TJP2: variants seen among roughly 807,000 people sequenced by gnomAD.
TJP2 encodes the protein Friedreich ataxia region gene X104 (tight junction protein ZO-2).
A neutral mutation model predicts 133.1 loss-of-function variants in TJP2; 91 were observed. The ratio of observed to expected loss-of-function variants is 0.68; its 90% confidence interval spans 0.58 to 0.81. The LOEUF is 0.81. Among genes scored for constraint, TJP2 ranks in the 40% least tolerant of loss-of-function variants. The pLI, the probability that TJP2 is intolerant of heterozygous loss-of-function variation, is 0.00. For missense variants in TJP2, 1,541 were observed against 1,565.6 expected (o/e 0.98, Z 0.26); for synonymous variants, 592 against 583.4 (o/e 1.01, Z -0.21).
At chr9:69,173,782 C>T (rs970629801), upstream of TJP2, among the ~76,000 whole-genome samples, 2 of 152,182 alleles carry the variant, frequency 1.3e-5, no homozygotes, top group South Asian at 2.1e-4. Flanking sequence ...GCCAAAAAGT[C>T]TTCCTACAGG....
chr9:69,184,376 C>T (rs1825708613), intron 1 of TJP2, among the ~76,000 whole-genome samples: 2 of 152,212 alleles, frequency 1.3e-5, no homozygotes, highest in Non-Finnish European at 1.5e-5. Context: ...GACCTTCCAC[C>T]TTCTCAGCAT....
At chr9:69,174,851 A>G (rs1317831365) in intron 1 of TJP2, among the ~76,000 whole-genome samples, 2 of 151,762 alleles carry the variant, frequency 1.3e-5, no homozygotes, top group African/African-American at 4.8e-5. Context: ...AAAACTCATC[A>G]CAGAGCAGAA....
At chr9:69,169,830 G>A (rs758104174), upstream of TJP2, among the ~76,000 whole-genome samples, 1 of 151,914 alleles carries the variant, frequency 6.6e-6, no homozygotes, top group Non-Finnish European at 1.5e-5. Flanking sequence ...TCTCATTAAG[G>A]TCTTCTGACC....
chr9:69,248,381 G>T, intron 19 of TJP2, 157 bp downstream of exon 19: 1 of 1,438,692 alleles, frequency 7.0e-7, no homozygotes, highest in South Asian at 1.6e-5. Context: ...ACGCTGGCAT[G>T]GTTGCAGTCT....
intron 5 of TJP2, among the ~76,000 whole-genome samples, chr9:69,224,680 A>AG (rs539125313): frequency 3.0e-4 from 46 of 152,230 alleles, no homozygotes; most frequent in Non-Finnish European, 6.5e-4. Flanking sequence ...CTGTCTCAAA[A>AG]AAAGAAAGAA....
In TJP2 at chr9:69,251,158, G is replaced by T. The variant is rs774645374; in HGVS notation, c.3115G>T (p.Val1039Phe). ...GASTKGYPPP[V>F]AAKPTFGRSI... is the part of the protein sequence containing the mutation. ...ATCTACCAAAGGTTATCCTCCTCCTGTTGCAGCAAAACCTACCTTTGGGCG... is the reference window on the plus strand; with the variant it reads ...ATCTACCAAAGGTTATCCTCCTCCTTTTGCAGCAAAACCTACCTTTGGGCG... Residue 1039 changes from valine to phenylalanine, a missense_variant, in exon 21 of 23, where the codon GTT becomes TTT. Transcript: ENST00000377245. 6.2e-7 allele frequency: 1 copy of T among 1,614,152 alleles called. No homozygotes were observed.
rs142093696 is a variant in TJP2, at chr9:69,125,810, G to A, written c.-131+4085G>A. On this transcript the variant is annotated intron_variant, in intron 1 of 5. Transcript: ENST00000423935. ...CAGTTCAAGTTTGGCAAATCTAATTGGCACCTTTTGATATTGATCATCACT... is the reference window on the plus strand; with the variant it reads ...CAGTTCAAGTTTGGCAAATCTAATTAGCACCTTTTGATATTGATCATCACT... 3.3e-3 allele frequency among the ~76,000 whole-genome samples: 252 copies of A among 76,940 alleles called. 91 individuals are homozygous for A. Among genetic ancestry groups the A allele is most frequent in the African/African-American group, 9.7e-3 (245 of 25,274 alleles). 50.5% of individuals were successfully genotyped at this position (76,940 alleles called of 152,430 possible).
At chr9:69,243,864 G>C (rs1830733874) in intron 17 of TJP2, among the ~76,000 whole-genome samples, 1 of 152,084 alleles carries the variant, frequency 6.6e-6, no homozygotes, top group Non-Finnish European at 1.5e-5. Context: ...TTTTGACTTA[G>C]ATACCATATA....
At chr9:69,185,504 AC>A (rs756436711) in intron 1 of TJP2, among the ~76,000 whole-genome samples, 115 of 152,196 alleles carry the variant, frequency 7.6e-4, no homozygotes, top group Non-Finnish European at 5.1e-4. Flanking sequence ...GATTCTAGGT[AC>A]TTTTCTAAAG....
intron 1 of TJP2, among the ~76,000 whole-genome samples, chr9:69,209,289 C>T (rs867283925): frequency 3.3e-5 from 5 of 152,082 alleles, no homozygotes; most frequent in African/African-American, 4.8e-5. Context: ...TGCGCCACCA[C>T]GCCCGGCTAA....
intron 11 of TJP2, among the ~76,000 whole-genome samples, chr9:69,231,974 G>A (rs955416091): frequency 3.3e-5 from 5 of 152,232 alleles, no homozygotes; most frequent in Non-Finnish European, 7.3e-5. Flanking sequence ...ATTTTCGTAT[G>A]TTCAGGGGCT....
At chr9:69,210,498 TA>T (rs1827810373) in intron 1 of TJP2, among the ~76,000 whole-genome samples, 1 of 152,190 alleles carries the variant, frequency 6.6e-6, no homozygotes, top group South Asian at 2.1e-4. Flanking sequence ...TTTTATTTTT[TA>T]AAATTGAAGA....
chr9:69,248,167 C>A lies in TJP2; in HGVS notation c.2823C>A (p.Ala941=), dbSNP rs758461548. 1.2e-6 allele frequency: 2 copies of A among 1,612,832 alleles called. No homozygotes were observed. Among genetic ancestry groups the A allele is most frequent in the African/African-American group, 2.7e-5 (2 of 74,872 alleles). ...CTGACAATGAGCTGGATGAGCCAGCCGAGGAGCCGCTGGTGTCGTCCATCA... is the reference window on the plus strand; with the variant it reads ...CTGACAATGAGCTGGATGAGCCAGCAGAGGAGCCGCTGGTGTCGTCCATCA... ...AYTDNELDEP[A]EEPLVSSITR... Residue 941 remains alanine (A), a synonymous_variant, in exon 19 of 23, where the codon GCC becomes GCA. Coordinates refer to ENST00000377245, the MANE Select transcript of TJP2 (RefSeq NM_004817.4).
At chr9:69,183,616 A>G (rs2133009403) in intron 1 of TJP2, among the ~76,000 whole-genome samples, 1 of 152,264 alleles carries the variant, frequency 6.6e-6, no homozygotes, top group East Asian at 1.9e-4. Context: ...TGTTTTTGCT[A>G]TTATGAATAA....
At chr9:69,213,096 T>G (rs553329960) in intron 2 of TJP2, among the ~76,000 whole-genome samples, 37 of 137,790 alleles carry the variant, frequency 2.7e-4, no homozygotes, top group Non-Finnish European at 4.0e-4. Context: ...GGAATTGCAC[T>G]CTTGTCGCCC....
rs532153523 is a variant in TJP2 at position 69,129,912 on chromosome 9, G to A, written c.-131+8187G>A. On this transcript the variant is annotated intron_variant, in intron 1 of 5. Transcript: ENST00000423935. ...TGCCTGTAATCCCAGCTGCTTGGGA[G>A]GCTGAGGCAAGAAAATCGCCTGAAC... Among the ~76,000 whole-genome samples, 6 of 151,508 alleles carry A rather than the reference G, an allele frequency of 4.0e-5. No individual in the cohort carries two copies. In the East Asian group the frequency reaches 1.2e-3, roughly 29 times the overall value.
intron 20 of TJP2, among the ~76,000 whole-genome samples, chr9:69,250,601 A>G (rs1360686947): frequency 6.6e-6 from 1 of 152,172 alleles, no homozygotes; most frequent in Non-Finnish European, 1.5e-5. Context: ...TCCCCACCCC[A>G]GTCTCATTCC....
upstream of TJP2, among the ~76,000 whole-genome samples, chr9:69,172,316 A>G (rs191952080): frequency 7.2e-4 from 109 of 152,366 alleles, no homozygotes; most frequent in African/African-American, 2.4e-3. Context: ...GAGTTTGTCT[A>G]TAAATATTTC....
intron 1 of TJP2, among the ~76,000 whole-genome samples, chr9:69,184,081 T>A (rs1825691633): frequency 6.6e-6 from 1 of 152,226 alleles, no homozygotes; most frequent in Admixed American, 6.5e-5. Flanking sequence ...TGAATTCTTT[T>A]GTCCTGCCAC....
Sources: allele counts gnomAD v4.1 joint callset (sites outside exome capture counted in the v4.1 genomes callset), GRCh38; gene constraint gnomAD v4.1.1; transcripts MANE v1.5; gene names NCBI Gene and HGNC (gene_info 2026-07-23, HGNC 2026-07-21).